EXOC4: variants seen among roughly 807,000 people sequenced by gnomAD.
EXOC4 encodes the protein exocyst complex component 4, also known as SEC8-like 1.
In EXOC4, 71 loss-of-function variants were observed where a neutral mutation model predicts 107.2. The observed-to-expected ratio is 0.66, with a 90% CI of 0.55 to 0.81. EXOC4 has a LOEUF of 0.81. Among genes scored for constraint, EXOC4 ranks in the 30% least tolerant of loss-of-function variants. EXOC4 has a pLI of 0.00. For missense variants in EXOC4, 1,108 were observed against 1,189.6 expected (o/e 0.93, Z 1.01); for synonymous variants, 456 against 441.2 (o/e 1.03, Z -0.42).
At chr7:133,617,024 C>T (rs534797966) in intron 9 of EXOC4, among the ~76,000 whole-genome samples, 3 of 152,114 alleles carry the variant, frequency 2.0e-5, no homozygotes, top group Admixed American at 6.6e-5. Context: ...TACTTAACAC[C>T]GTATACTTTA....
At chr7:133,271,272 A>G (rs967497147) in intron 1 of EXOC4, among the ~76,000 whole-genome samples, 5 of 152,004 alleles carry the variant, frequency 3.3e-5, no homozygotes, top group Non-Finnish European at 7.4e-5. Context: ...TATTTATCTC[A>G]GACAAACATT....
intron 11 of EXOC4, among the ~76,000 whole-genome samples, chr7:133,827,013 C>T (rs1797719451): frequency 6.6e-6 from 1 of 152,108 alleles, no homozygotes; most frequent in South Asian, 2.1e-4. Flanking sequence ...GTGCTGTTCC[C>T]AGTATTTTAA....
chr7:133,673,878 A>C (rs1437052653), intron 10 of EXOC4, among the ~76,000 whole-genome samples: 1 of 152,206 alleles, frequency 6.6e-6, no homozygotes, highest in Admixed American at 6.5e-5. Flanking sequence ...CAAATATTGT[A>C]ATTGACAAAG....
intron 3 of EXOC4, among the ~76,000 whole-genome samples, chr7:133,298,142 A>G (rs757904489): frequency 1.5e-4 from 23 of 152,152 alleles, no homozygotes; most frequent in Middle Eastern, 3.4e-3. Flanking sequence ...AAAGAAGTCT[A>G]TTTTCTCTGA....
At chr7:133,759,112 A>G (rs185468048) in intron 10 of EXOC4, among the ~76,000 whole-genome samples, 99 of 152,048 alleles carry the variant, frequency 6.5e-4, no homozygotes, top group Middle Eastern at 6.8e-3. Context: ...TAGCCCAGCT[A>G]ATTTAAAACA....
intron 13 of EXOC4, among the ~76,000 whole-genome samples, chr7:133,926,868 G>T (rs535383414): frequency 6.6e-5 from 10 of 152,114 alleles, no homozygotes; most frequent in Admixed American, 1.3e-4. Flanking sequence ...ACCTTTTGTG[G>T]TTTTATGAAA....
Position 133,464,811 on chromosome 7 carries a change from G to GTTTTTTTTTTTTTTTTTTTTTTTT in EXOC4, c.1183-10515_1183-10492dup, listed in dbSNP as rs3046149. On this transcript the variant is annotated intron_variant, in intron 7 of 17. Coordinates refer to ENST00000253861, the MANE Select transcript of EXOC4 (RefSeq NM_021807.4). ...TTTTTTTTTTTTGTTGGTTGGGTTG[G>GTTTTTTTTTTTTTTTTTTTTTTTT]TTTTTTTTTTTTTTTTTTTTTTTTT... Among the ~76,000 whole-genome samples, 3 of 51,298 alleles carry GTTTTTTTTTTTTTTTTTTTTTTTT rather than the reference G, an allele frequency of 5.8e-5. 1 individual carries two copies. Among genetic ancestry groups the GTTTTTTTTTTTTTTTTTTTTTTTT allele is most frequent in the African/African-American group, 1.7e-4 (2 of 12,034 alleles). 33.7% of individuals were successfully genotyped at this position (51,298 alleles called of 152,430 possible). A position where few individuals can be genotyped will look rare whatever the true frequency, so the allele number is the denominator to read the frequency against.
intron 10 of EXOC4, among the ~76,000 whole-genome samples, chr7:133,652,115 C>T (rs1803171430): frequency 6.6e-6 from 1 of 152,176 alleles, no homozygotes; most frequent in African/African-American, 2.4e-5. Context: ...AACTGCCTTT[C>T]TCCCCGTGAC....
chr7:133,861,247 TG>T (rs1798527569), intron 11 of EXOC4, among the ~76,000 whole-genome samples: 1 of 152,152 alleles, frequency 6.6e-6, no homozygotes, highest in African/African-American at 2.4e-5. Flanking sequence ...TTCTTAAATT[TG>T]GGTGCATGAG....
chr7:133,922,139 T>C lies in EXOC4; in HGVS notation c.2027+4401T>C, dbSNP rs923779302. ...CTTTTTATTGGATATCTATTTATTA[T>C]ATATACATACTTTTAATGAAGCATA... On this transcript the variant is annotated intron_variant, in intron 13 of 17. Coordinates refer to ENST00000253861, the MANE Select transcript of EXOC4 (RefSeq NM_021807.4). Among the ~76,000 whole-genome samples the C allele has an allele frequency of 4.6e-5, 7 of 152,280 alleles. No individual in the cohort carries two copies. In the South Asian group the frequency reaches 8.3e-4, roughly 18 times the overall value.
intron 14 of EXOC4, among the ~76,000 whole-genome samples, chr7:133,958,079 T>C (rs543510285): frequency 7.2e-5 from 11 of 152,302 alleles, no homozygotes; most frequent in Admixed American, 5.9e-4. Context: ...AGTAATGAAA[T>C]TAGTTCAGGG....
chr7:133,720,829 G>C (rs879259572), intron 10 of EXOC4, among the ~76,000 whole-genome samples: 1 of 152,152 alleles, frequency 6.6e-6, no homozygotes, highest in Admixed American at 6.6e-5. Context: ...TGACCTGACT[G>C]CTGTCCTAAG....
intron 9 of EXOC4, among the ~76,000 whole-genome samples, chr7:133,579,790 G>T (rs1801211520): frequency 6.6e-6 from 1 of 151,484 alleles, no homozygotes; most frequent in African/African-American, 2.4e-5. Context: ...GGGTTCAAGT[G>T]ATCCTCCTGC....
intron 9 of EXOC4, among the ~76,000 whole-genome samples, chr7:133,592,689 G>A (rs1169332651): frequency 6.6e-6 from 1 of 152,058 alleles, no homozygotes; most frequent in African/African-American, 2.4e-5. Context: ...TGCAACCTCC[G>A]ACTCCTGGGT....
chr7:133,554,874 ATGTT>A (rs1457328841), intron 9 of EXOC4, among the ~76,000 whole-genome samples: 2 of 152,158 alleles, frequency 1.3e-5, no homozygotes, highest in African/African-American at 4.8e-5. Context: ...CATGTAGTAA[ATGTT>A]TGTGGAATTA....
intron 14 of EXOC4, among the ~76,000 whole-genome samples, chr7:133,996,915 T>C (rs1301531701): frequency 6.6e-6 from 1 of 152,190 alleles, no homozygotes; most frequent in Admixed American, 6.5e-5. Flanking sequence ...GAAGCCAAAA[T>C]AGGTATCTTC....
chr7:133,624,831 A>G (rs796824393), intron 9 of EXOC4, among the ~76,000 whole-genome samples: 5 of 151,938 alleles, frequency 3.3e-5, no homozygotes, highest in African/African-American at 1.2e-4. Flanking sequence ...GACCTCAGGT[A>G]ATCTGCCCAC....
chr7:134,046,114 T>C (rs950725225), intron 17 of EXOC4, among the ~76,000 whole-genome samples: 3 of 152,168 alleles, frequency 2.0e-5, no homozygotes, highest in Non-Finnish European at 4.4e-5. Flanking sequence ...AGATCTTAAG[T>C]ACACAGCTTG....
intron 9 of EXOC4, among the ~76,000 whole-genome samples, chr7:133,534,236 T>C (rs1800233300): frequency 6.6e-6 from 1 of 152,160 alleles, no homozygotes; most frequent in Non-Finnish European, 1.5e-5. Context: ...CTGCATACAT[T>C]TTAAATGATG....
Sources: allele counts gnomAD v4.1 joint callset (sites outside exome capture counted in the v4.1 genomes callset), GRCh38; gene constraint gnomAD v4.1.1; transcripts MANE v1.5; gene names NCBI Gene and HGNC (gene_info 2026-07-23, HGNC 2026-07-21).